The following PHLDB2 variants were observed in gnomAD, a reference collection of about 807,000 sequenced individuals.
PHLDB2 encodes pleckstrin homology like domain family B member 2, also known as pleckstrin homology-like domain family B member 2.
A neutral mutation model predicts 123.6 loss-of-function variants in PHLDB2; 71 were observed. The ratio of observed to expected loss-of-function variants is 0.57; its 90% CI spans 0.47 to 0.70. The LOEUF is 0.70. PHLDB2 is among the 30% of genes least tolerant of loss of function. The probability of loss-of-function intolerance (pLI) is 0.00; values close to 1 mark genes in which losing one functional copy is unlikely to be tolerated. For missense variants in PHLDB2, 1,446 were observed against 1,519.5 expected (o/e 0.95, Z 0.80); for synonymous variants, 547 against 541.6 (o/e 1.01, Z -0.14).
chr3:111,813,016 A>G (rs548643608), intron 1 of PHLDB2, among the ~76,000 whole-genome samples: 65 of 152,336 alleles, frequency 4.3e-4, no homozygotes, highest in African/African-American at 1.5e-3. Flanking sequence ...AAGCTCCGCT[A>G]AAGAAGAGAC....
intron 12 of PHLDB2, chr3:111,957,384 C>G (rs2071123365): frequency 6.6e-6 from 1 of 152,608 alleles, no homozygotes; most frequent in African/African-American, 2.4e-5. Context: ...ATTTCTTTTA[C>G]ACAATAGAGA....
intron 1 of PHLDB2, among the ~76,000 whole-genome samples, chr3:111,871,531 G>A (rs142219260): frequency 0.016 from 2,482 of 152,128 alleles, 51 homozygotes; most frequent in African/African-American, 0.049. Context: ...GCCCATGCCT[G>A]TAGTCCCAGC....
At chr3:111,828,895 C>G (rs1241990832) in intron 1 of PHLDB2, among the ~76,000 whole-genome samples, 2 of 152,190 alleles carry the variant, frequency 1.3e-5, no homozygotes, top group African/African-American at 4.8e-5. Flanking sequence ...AAATGCCACA[C>G]ACTGTGTAGT....
intron 1 of PHLDB2, among the ~76,000 whole-genome samples, chr3:111,797,881 C>T (rs2061227601): frequency 6.6e-6 from 1 of 152,208 alleles, no homozygotes; most frequent in African/African-American, 2.4e-5. Flanking sequence ...ACTGTAATCA[C>T]AGCCCTGTGG....
chr3:111,746,502 C>T (rs2059684256), intron 1 of PHLDB2, among the ~76,000 whole-genome samples: 1 of 152,152 alleles, frequency 6.6e-6, no homozygotes, highest in African/African-American at 2.4e-5. Flanking sequence ...GTGGCTCACA[C>T]CTGTAATCCC....
At chr3:111,822,251 G>GAAA (rs11411697) in intron 1 of PHLDB2, among the ~76,000 whole-genome samples, 6 of 146,976 alleles carry the variant, frequency 4.1e-5, no homozygotes, top group African/African-American at 1.5e-4. Flanking sequence ...CTTTGCATCA[G>GAAA]AAAAAAAAAA....
At chr3:111,740,977 A>G (rs1245202546) in intron 1 of PHLDB2, among the ~76,000 whole-genome samples, 1 of 152,058 alleles carries the variant, frequency 6.6e-6, no homozygotes, top group Non-Finnish European at 1.5e-5. Context: ...AACAATGATG[A>G]CAAGGTGCTG....
intron 1 of PHLDB2, among the ~76,000 whole-genome samples, chr3:111,817,332 T>A (rs761165330): frequency 6.6e-6 from 1 of 152,192 alleles, no homozygotes; most frequent in African/African-American, 2.4e-5. Context: ...CACAGCAACA[T>A]CTTATGTTGC....
At chr3:111,894,777 T>A (rs887971138) in intron 2 of PHLDB2, among the ~76,000 whole-genome samples, 1 of 152,198 alleles carries the variant, frequency 6.6e-6, no homozygotes, top group Non-Finnish European at 1.5e-5. Context: ...CTTGTAAATT[T>A]GTTTGAGTTC....
intron 3 of PHLDB2, chr3:111,913,962 G>A: frequency 2.2e-6 from 1 of 447,620 alleles, no homozygotes; most frequent in Non-Finnish European, 4.0e-6. Flanking sequence ...CTTTCAGGTT[G>A]TACACCTGAG....
At chr3:111,898,163 T>G (rs1039557872) in intron 2 of PHLDB2, among the ~76,000 whole-genome samples, 1 of 118,396 alleles carries the variant, frequency 8.4e-6, no homozygotes, top group Non-Finnish European at 1.8e-5. Context: ...GCAATTTCTT[T>G]GTGTGTGTGT....
chr3:111,903,734 T>C (rs529845065), intron 2 of PHLDB2, among the ~76,000 whole-genome samples: 4 of 152,296 alleles, frequency 2.6e-5, no homozygotes, highest in African/African-American at 7.2e-5. Flanking sequence ...ACTACAAGAC[T>C]GGCACCACCT....
At chr3:111,971,106 T>C (rs767578466) in intron 16 of PHLDB2, among the ~76,000 whole-genome samples, 5 of 152,226 alleles carry the variant, frequency 3.3e-5, no homozygotes, top group Non-Finnish European at 7.3e-5. Flanking sequence ...TCTCTAAGGC[T>C]TTTTGTCATT....
At chr3:111,787,846 C>A (rs1441421474) in intron 1 of PHLDB2, among the ~76,000 whole-genome samples, 1 of 152,132 alleles carries the variant, frequency 6.6e-6, no homozygotes, top group Non-Finnish European at 1.5e-5. Context: ...AAATAGATCA[C>A]CAAGTTGAAG....
intron 1 of PHLDB2, among the ~76,000 whole-genome samples, chr3:111,806,295 A>G (rs966919709): frequency 4.6e-5 from 7 of 152,058 alleles, no homozygotes; most frequent in Non-Finnish European, 7.4e-5. Flanking sequence ...ATCACACCAG[A>G]AAGTTCCCTC....
Position 111,974,446 on chromosome 3 carries a change from T to C in PHLDB2, c.3645T>C (p.Phe1215=). 6.2e-7 allele frequency: 1 copy of C among 1,611,216 alleles called. No individual in the cohort carries two copies. Among genetic ancestry groups the C allele is most frequent in the Non-Finnish European group, 8.5e-7 (1 of 1,178,630 alleles). Residue 1215 remains phenylalanine, a synonymous_variant, in exon 18 of 18, where the codon TTT becomes TTC. Transcript: ENST00000431670. Reference sequence around the variant, plus strand: ...AGAGTCCTAATCCGTTACTCACCTTTAGCGTCAAGACTCATGACAGAATCT... The same window carrying C: ...AGAGTCCTAATCCGTTACTCACCTTCAGCGTCAAGACTCATGACAGAATCT... ...ANKSPNPLLT[F]SVKTHDRIYY...
chr3:111,834,275 T>C (rs2063291290), intron 1 of PHLDB2, among the ~76,000 whole-genome samples: 1 of 134,744 alleles, frequency 7.4e-6, no homozygotes, highest in Non-Finnish European at 1.6e-5. Flanking sequence ...ATATACATAA[T>C]ATATATAATT....
intron 2 of PHLDB2, chr3:111,846,180 G>A: frequency 2.5e-6 from 1 of 395,486 alleles, no homozygotes; most frequent in Non-Finnish European, 4.7e-6. Context: ...TGAAGGATGG[G>A]AAGACCCAAG....
chr3:111,799,764 G>C (rs575822327), intron 1 of PHLDB2, among the ~76,000 whole-genome samples: 1 of 152,214 alleles, frequency 6.6e-6, no homozygotes, highest in African/African-American at 2.4e-5. Context: ...TGAAAACAAT[G>C]TTATGTATTC....
Sources: allele counts gnomAD v4.1 joint callset (sites outside exome capture counted in the v4.1 genomes callset), GRCh38; gene constraint gnomAD v4.1.1; transcripts MANE v1.5; gene names NCBI Gene and HGNC (gene_info 2026-07-23, HGNC 2026-07-21).